Variants in TMC7 observed in about 807,000 individuals in gnomAD.
TMC7 encodes the protein transmembrane channel-like protein 7.
A neutral mutation model predicts 82.9 loss-of-function variants in TMC7; 54 were observed. That is an observed-to-expected ratio of 0.65 (90% CI 0.52 to 0.82). The LOEUF (loss-of-function observed/expected upper bound fraction) is 0.82, where lower values mean the gene tolerates loss of function less well. Ranked by LOEUF, TMC7 falls within the 40% of genes least tolerant of loss-of-function variation. The probability of loss-of-function intolerance (pLI) is 0.00; values close to 1 mark genes in which losing one functional copy is unlikely to be tolerated. For synonymous variants in TMC7, 350 were observed against 337.9 expected, an observed-to-expected ratio of 1.04 and a Z score of -0.39; for missense variants, 820 against 901.2, an observed-to-expected ratio of 0.91 and a Z score of 1.15.
At position 19,045,965 on chromosome 16, in the gene TMC7, C is replaced by T. The variant is rs368387252; in HGVS notation, c.1553+527C>T. 1.2e-3 allele frequency among the ~76,000 whole-genome samples: 185 copies of T among 152,044 alleles called. 1 individual carries two copies. Among genetic ancestry groups the T allele is most frequent in the African/African-American group, 4.3e-3 (177 of 41,472 alleles). On this transcript the variant is annotated intron_variant, in intron 11 of 15. Coordinates refer to ENST00000304381, the MANE Select transcript of TMC7 (RefSeq NM_024847.4). ...AGGCTGGTCTCGAACTGGCCTCAAA[C>T]GATCCTCCTGCCTCAGCCTTCCAAA...
At chr16:19,046,404 A>C (rs934533585) in intron 11 of TMC7, among the ~76,000 whole-genome samples, 2 of 152,244 alleles carry the variant, frequency 1.3e-5, no homozygotes, top group Non-Finnish European at 2.9e-5. Flanking sequence ...AGAACTCAAC[A>C]AAACATCAGC....
Position 19,016,615 on chromosome 16 carries a change from T to A in TMC7, c.460+17T>A. On this transcript the variant is annotated intron_variant, in intron 3 of 15. Coordinates refer to ENST00000304381, the MANE Select transcript of TMC7 (RefSeq NM_024847.4). ...GCATAGAAGGTATGCTGTCCTCACCTCTCTGCAGGCTCCTCCGCAGAAGTC... is the reference window on the plus strand; with the variant it reads ...GCATAGAAGGTATGCTGTCCTCACCACTCTGCAGGCTCCTCCGCAGAAGTC... 2 of 1,610,950 alleles carry A rather than the reference T, an allele frequency of 1.2e-6. No homozygotes were observed. The highest frequency in any genetic ancestry group is 2.2e-5 in the South Asian group (2 of 90,734).
rs78793936 is a variant in TMC7 at position 19,059,998 on chromosome 16, T to C, written c.2106+504T>C. Reference sequence around the variant, plus strand: ...TCTTAAAAATAAAAATAAAAAAAGATGTGTATTAAGTACCTACTCTGTGCC... The same window carrying C: ...TCTTAAAAATAAAAATAAAAAAAGACGTGTATTAAGTACCTACTCTGTGCC... On this transcript the variant is annotated intron_variant, in intron 15 of 15. Coordinates refer to ENST00000304381, the MANE Select transcript of TMC7 (RefSeq NM_024847.4). The C allele has an allele frequency of 7.6e-3, 2,287 of 301,840 alleles. 56 individuals are homozygous for C. The highest frequency in any genetic ancestry group is 0.045 in the African/African-American group (2,112 of 46,478). The allele number at this position is 301,840 out of a possible 1,614,324, so 18.7% of individuals were successfully genotyped here.
At chr16:19,036,580 G>C (rs1009471642) in intron 7 of TMC7, among the ~76,000 whole-genome samples, 1 of 150,860 alleles carries the variant, frequency 6.6e-6, no homozygotes, top group Non-Finnish European at 1.5e-5. Context: ...CTTGGGCATG[G>C]TGGCACATGC....
At position 19,061,867 on chromosome 16, in the gene TMC7, C is replaced by T. The variant is rs376229203; in HGVS notation, c.*24C>T. ...AACTAGACTGAGCGTGAAGATGGTG[C>T]TGCCTGTTGCTTCTAAGCTGACCTA... On this transcript the variant is annotated 3_prime_UTR_variant, in exon 16 of 16. Transcript: ENST00000304381. 7.5e-6 allele frequency: 12 copies of T among 1,605,694 alleles called. No homozygotes were observed. In the African/African-American group the frequency reaches 1.3e-4, roughly 18 times the overall value.
Position 18,984,019 on chromosome 16 carries a change from C to T in TMC7, c.-45C>T. ...GGGGAGGCGGCGGCGGCGGCGGCGG[C>T]TGGAGAGGGTCCTCGGCAGCCTCTG... On this transcript the variant is annotated 5_prime_UTR_variant, in exon 1 of 16. Coordinates refer to ENST00000304381, the MANE Select transcript of TMC7 (RefSeq NM_024847.4). The T allele has an allele frequency of 7.2e-7, 1 of 1,394,724 alleles. No individual in the cohort carries two copies. The highest frequency in any genetic ancestry group is 1.6e-5 in the South Asian group (1 of 63,222). The allele number at this position is 1,394,724 out of a possible 1,614,324, so 86.4% of individuals were successfully genotyped here. A position where few individuals can be genotyped will look rare whatever the true frequency, so the allele number is the denominator to read the frequency against.
At chr16:19,009,457 T>C (rs4077848) in intron 2 of TMC7, 42 bp downstream of exon 2, 4 of 1,587,846 alleles carry the variant, frequency 2.5e-6, no homozygotes, top group African/African-American at 2.7e-5. Context: ...GTGTATGTTA[T>C]GGCCCAGAGG....
intron 8 of TMC7, among the ~76,000 whole-genome samples, chr16:19,038,754 GA>G (rs1483418685): frequency 2.0e-5 from 3 of 152,114 alleles, no homozygotes; most frequent in Non-Finnish European, 4.4e-5. Flanking sequence ...CTGACCTCAA[GA>G]GATCCACCCA....
At chr16:19,023,512 T>C (rs1274274661) in intron 5 of TMC7, among the ~76,000 whole-genome samples, 2 of 152,208 alleles carry the variant, frequency 1.3e-5, no homozygotes, top group African/African-American at 4.8e-5. Flanking sequence ...AGTGGTGCAA[T>C]CTTGGCTCAC....
At chr16:19,017,121 G>A (rs978172911) in intron 3 of TMC7, among the ~76,000 whole-genome samples, 10 of 152,106 alleles carry the variant, frequency 6.6e-5, no homozygotes, top group African/African-American at 2.2e-4. Context: ...GGAGGTGGAC[G>A]TTGCAGTGAG....
At chr16:18,986,765 T>C (rs1050451923) in intron 1 of TMC7, among the ~76,000 whole-genome samples, 2 of 151,866 alleles carry the variant, frequency 1.3e-5, no homozygotes, top group African/African-American at 2.4e-5. Context: ...TGCCTCAGGG[T>C]CTTTGCATCT....
rs776839663 is a variant in TMC7 at position 19,030,295 on chromosome 16, C to A, written c.783C>A (p.Thr261=). 6 of 1,613,728 alleles carry A rather than the reference C, an allele frequency of 3.7e-6. No homozygotes were observed. Among genetic ancestry groups the A allele is most frequent in the Non-Finnish European group, 4.2e-6 (5 of 1,179,982 alleles). Residue 261 remains threonine (T), a synonymous_variant, in exon 6 of 16, where the codon ACC becomes ACA. Coordinates refer to ENST00000304381, the MANE Select transcript of TMC7 (RefSeq NM_024847.4). ...TIDGVKFQNF[T]YDLPLAYLLS... is the part of the protein sequence containing the mutation. ...ATGGGGTGAAATTTCAGAACTTCAC[C>A]TATGATCTGCCCCTGGCGTATTTGT...
intron 1 of TMC7, among the ~76,000 whole-genome samples, chr16:19,005,395 T>A (rs2142159848): frequency 6.6e-6 from 1 of 152,322 alleles, no homozygotes; most frequent in African/African-American, 2.4e-5. Flanking sequence ...GCCCGCATGT[T>A]AAATACTTTA....
chr16:19,023,505 G>A (rs1458344691), intron 5 of TMC7, among the ~76,000 whole-genome samples: 1 of 152,132 alleles, frequency 6.6e-6, no homozygotes, highest in Non-Finnish European at 1.5e-5. Flanking sequence ...GGAGTGCAGT[G>A]GTGCAATCTT....
chr16:19,019,779 T>G (rs1286695139), intron 3 of TMC7, among the ~76,000 whole-genome samples: 1 of 152,162 alleles, frequency 6.6e-6, no homozygotes, highest in Non-Finnish European at 1.5e-5. Context: ...GGAACCGGGA[T>G]TTTGATTTTC....
chr16:19,020,586 G>T (rs1959917050), intron 3 of TMC7, among the ~76,000 whole-genome samples: 1 of 152,118 alleles, frequency 6.6e-6, no homozygotes, highest in Non-Finnish European at 1.5e-5. Flanking sequence ...AAAATGTCAG[G>T]GCTGGGCGTG....
chr16:19,008,719 G>C (rs2039283949), intron 1 of TMC7, among the ~76,000 whole-genome samples: 1 of 152,156 alleles, frequency 6.6e-6, no homozygotes, highest in Admixed American at 6.5e-5. Context: ...TATTATTGTT[G>C]CTGATGTTGT....
rs1229610934 is a variant in TMC7 at position 19,038,035 on chromosome 16, G to A, written c.1167G>A (p.Glu389=). 1.9e-6 allele frequency: 3 copies of A among 1,612,712 alleles called. No homozygotes were observed. The highest frequency in any genetic ancestry group is 1.1e-5 in the South Asian group (1 of 90,652). The part of the protein sequence containing the change: ...AIYVATVFSQ[E]HMKKEIDKMV... ...ACGTAGCAACTGTCTTCTCGCAAGA[G>A]CACATGAAAAAGGTAAATTAACTTG... Residue 389 remains glutamate (E), a synonymous_variant, in exon 8 of 16, where the codon GAG becomes GAA. Coordinates refer to ENST00000304381, the MANE Select transcript of TMC7 (RefSeq NM_024847.4).
At chr16:19,009,889 C>T (rs1230975735) in intron 2 of TMC7, among the ~76,000 whole-genome samples, 6 of 145,716 alleles carry the variant, frequency 4.1e-5, no homozygotes, top group African/African-American at 1.5e-4. Flanking sequence ...TGCAGTGAGC[C>T]GAGATTGCGC....
Sources: gnomAD v4.1 joint callset for allele counts (sites outside exome capture counted in the v4.1 genomes callset) on GRCh38, gnomAD v4.1.1 for gene constraint, MANE v1.5 for transcripts, NCBI Gene and HGNC (gene_info 2026-07-23, HGNC 2026-07-21) for gene names.